The following SLC24A3 variants were observed in gnomAD, a reference collection of about 807,000 sequenced individuals.
SLC24A3 encodes the protein solute carrier family 24 member 3.
SLC24A3 carries 28 observed loss-of-function variants against 75.8 expected under a neutral mutation model. That is an observed-to-expected ratio of 0.37 (90% confidence interval 0.27 to 0.51). The LOEUF is 0.51. Ranked by LOEUF, SLC24A3 falls within the 20% of genes least tolerant of loss-of-function variation. SLC24A3 has a pLI of 0.94. For synonymous variants in SLC24A3, 372 were observed against 334.1 expected (o/e 1.11, Z -1.24); for missense variants, 663 against 847.8 (o/e 0.78, Z 2.71).
At chr20:19,455,803 G>A (rs529636641) in intron 2 of SLC24A3, among the ~76,000 whole-genome samples, 10 of 152,258 alleles carry the variant, frequency 6.6e-5, no homozygotes, top group East Asian at 5.8e-4. Context: ...TTTCACAGTC[G>A]CCTTCTGGGG....
intron 7 of SLC24A3, among the ~76,000 whole-genome samples, chr20:19,659,208 C>T (rs1018297360): frequency 6.6e-6 from 1 of 152,160 alleles, no homozygotes; most frequent in Non-Finnish European, 1.5e-5. Flanking sequence ...GAGCCCTTGG[C>T]AGCAGTTTGG....
At chr20:19,350,563 A>C (rs1192905719) in intron 2 of SLC24A3, among the ~76,000 whole-genome samples, 1 of 152,262 alleles carries the variant, frequency 6.6e-6, no homozygotes, top group Non-Finnish European at 1.5e-5. Context: ...TACGCCTGCC[A>C]GACATCAATA....
At chr20:19,254,698 G>A (rs1324763653) in intron 1 of SLC24A3, among the ~76,000 whole-genome samples, 3 of 152,194 alleles carry the variant, frequency 2.0e-5, no homozygotes, top group Non-Finnish European at 4.4e-5. Flanking sequence ...GAGCTAGAAG[G>A]CGAGATTCCA....
At chr20:19,679,531 C>G (rs1410974131) in intron 9 of SLC24A3, among the ~76,000 whole-genome samples, 1 of 136,446 alleles carries the variant, frequency 7.3e-6, no homozygotes, top group African/African-American at 2.9e-5. Context: ...AGAGGGAGAC[C>G]GTGGGGAGGG....
intron 4 of SLC24A3, among the ~76,000 whole-genome samples, chr20:19,583,226 C>T (rs928915348): frequency 6.6e-6 from 1 of 151,926 alleles, no homozygotes; most frequent in Non-Finnish European, 1.5e-5. Context: ...ATTGACGCTG[C>T]GAGGGACAGA....
chr20:19,541,788 C>T (rs1425994831), intron 3 of SLC24A3, among the ~76,000 whole-genome samples: 3 of 152,162 alleles, frequency 2.0e-5, no homozygotes, highest in Admixed American at 6.5e-5. Flanking sequence ...GCCACCCTTT[C>T]GGGGTTGGGC....
intron 1 of SLC24A3, among the ~76,000 whole-genome samples, chr20:19,258,164 G>A (rs118065474): frequency 0.035 from 5,322 of 152,244 alleles, 135 homozygotes; most frequent in Non-Finnish European, 0.049. Flanking sequence ...TAGAAGCACC[G>A]CCATCCTGGG....
intron 1 of SLC24A3, among the ~76,000 whole-genome samples, chr20:19,230,910 T>A (rs527597198): frequency 4.5e-4 from 69 of 152,164 alleles, no homozygotes; most frequent in Non-Finnish European, 9.1e-4. Flanking sequence ...GAATGCCTGT[T>A]CAGATTTTAG....
At position 19,614,107 on chromosome 20, in the gene SLC24A3, A is replaced by G. The variant is rs546583884; in HGVS notation, c.612+28563A>G. ...GGGACAGTTTGCATCTGGAATCTTT[A>G]AGAGATTGCAATTGAGAGTGTGATT... On this transcript the variant is annotated intron_variant, in intron 6 of 16. Transcript: ENST00000328041. 2.0e-5 allele frequency among the ~76,000 whole-genome samples: 3 copies of G among 152,302 alleles called. No individual in the cohort carries two copies. The East Asian group carries it at 5.8e-4, about 29-fold the overall frequency.
At chr20:19,393,062 A>T (rs1986393530) in intron 2 of SLC24A3, among the ~76,000 whole-genome samples, 1 of 152,178 alleles carries the variant, frequency 6.6e-6, no homozygotes, top group Non-Finnish European at 1.5e-5. Flanking sequence ...TAGTTCAATC[A>T]TGATCTGGCC....
intron 2 of SLC24A3, among the ~76,000 whole-genome samples, chr20:19,350,551 A>G (rs1418546921): frequency 6.6e-6 from 1 of 152,174 alleles, no homozygotes; most frequent in Non-Finnish European, 1.5e-5. Context: ...TCTCTTTGCC[A>G]CTACGCCTGC....
intron 13 of SLC24A3, among the ~76,000 whole-genome samples, chr20:19,695,117 G>C (rs909068975): frequency 6.6e-6 from 1 of 152,148 alleles, no homozygotes; most frequent in Non-Finnish European, 1.5e-5. Flanking sequence ...GAAATGAGCT[G>C]CATTCTCTGT....
At chr20:19,440,149 G>A (rs1987273645) in intron 2 of SLC24A3, among the ~76,000 whole-genome samples, 1 of 152,162 alleles carries the variant, frequency 6.6e-6, no homozygotes, top group Non-Finnish European at 1.5e-5. Flanking sequence ...TTCTTATCTG[G>A]GTGAATTTAA....
At chr20:19,698,514 G>C in intron 14 of SLC24A3, 54 bp from the exon 15 acceptor site, 1 of 1,404,826 alleles carries the variant, frequency 7.1e-7, no homozygotes, top group Non-Finnish European at 9.9e-7. Context: ...GGAGAGTCCT[G>C]TGTGGGGCCC....
chr20:19,269,988 C>T (rs559500458), intron 1 of SLC24A3, among the ~76,000 whole-genome samples: 13 of 152,316 alleles, frequency 8.5e-5, no homozygotes, highest in South Asian at 2.1e-4. Flanking sequence ...TCATCTTCTT[C>T]GCTTCCATTC....
At chr20:19,648,493 TG>T (rs59219805) in intron 6 of SLC24A3, among the ~76,000 whole-genome samples, 20,685 of 151,964 alleles carry the variant, frequency 0.14, 1,481 homozygotes, top group Non-Finnish European at 0.15. Flanking sequence ...CGAGAATATT[TG>T]TGCCTTTTTA....
At chr20:19,456,321 C>T (rs975103649) in intron 2 of SLC24A3, among the ~76,000 whole-genome samples, 9 of 152,262 alleles carry the variant, frequency 5.9e-5, no homozygotes, top group Middle Eastern at 3.4e-3. Flanking sequence ...TGGGAGGGAC[C>T]TGGGGAGAGA....
intron 7 of SLC24A3, among the ~76,000 whole-genome samples, chr20:19,664,176 A>G (rs945380250): frequency 1.3e-5 from 2 of 152,188 alleles, no homozygotes; most frequent in East Asian, 1.9e-4. Context: ...TTAATAGAAA[A>G]TGTTTTCTAT....
chr20:19,369,964 G>T (rs6106066), intron 2 of SLC24A3, among the ~76,000 whole-genome samples: 1 of 151,920 alleles, frequency 6.6e-6, no homozygotes, highest in Admixed American at 6.5e-5. Flanking sequence ...CACTGCACCC[G>T]ACTGAAATGT....
Sources: allele counts gnomAD v4.1 joint callset (sites outside exome capture counted in the v4.1 genomes callset), GRCh38; gene constraint gnomAD v4.1.1; transcripts MANE v1.5; gene names NCBI Gene and HGNC (gene_info 2026-07-23, HGNC 2026-07-21).